The following TAFA2 variants were observed in gnomAD, a reference collection of about 807,000 sequenced individuals.
TAFA2 encodes chemokine-like protein TAFA-2.
TAFA2 carries 7 observed loss-of-function variants against 18.8 expected under a neutral mutation model. The observed-to-expected ratio is 0.37, with a 90% CI of 0.21 to 0.70. TAFA2 has a LOEUF of 0.70. Among genes scored for constraint, TAFA2 ranks in the 30% least tolerant of loss-of-function variants. The pLI, the probability that TAFA2 is intolerant of heterozygous loss-of-function variation, is 0.53. For missense variants in TAFA2, 122 were observed against 158.1 expected (o/e 0.77, Z 1.23); for synonymous variants, 60 against 54.2 (o/e 1.11, Z -0.47).
chr12:62,016,943 C>T (rs1880958105), intron 1 of TAFA2, among the ~76,000 whole-genome samples: 2 of 152,206 alleles, frequency 1.3e-5, no homozygotes, highest in African/African-American at 4.8e-5. Context: ...AGAGCGTGAG[C>T]TCTGCAGTGA....
At chr12:61,789,426 C>G (rs1411989070) in intron 2 of TAFA2, among the ~76,000 whole-genome samples, 1 of 151,798 alleles carries the variant, frequency 6.6e-6, no homozygotes, top group African/African-American at 2.4e-5. Context: ...TTGTTTTTGT[C>G]AAACTAACAC....
intron 1 of TAFA2, among the ~76,000 whole-genome samples, chr12:62,123,157 T>G (rs1050062724): frequency 2.6e-5 from 4 of 152,188 alleles, no homozygotes; most frequent in African/African-American, 4.8e-5. Flanking sequence ...CATTTAAGTT[T>G]ATCGAGGACA....
intron 1 of TAFA2, among the ~76,000 whole-genome samples, chr12:61,997,938 A>G (rs1439278646): frequency 6.6e-6 from 1 of 152,222 alleles, no homozygotes; most frequent in Non-Finnish European, 1.5e-5. Context: ...TTTACAAAGA[A>G]AAATGGAGAC....
At chr12:61,790,188 A>G (rs199532531) in intron 2 of TAFA2, among the ~76,000 whole-genome samples, 3 of 150,306 alleles carry the variant, frequency 2.0e-5, no homozygotes, top group African/African-American at 2.4e-5. Flanking sequence ...AAAAAAAAAA[A>G]TCCCCAAAAT....
chr12:61,829,699 T>G lies in TAFA2; in HGVS notation c.106+37621A>C, dbSNP rs181737133. Among the ~76,000 whole-genome samples, 6 of 151,704 alleles carry G rather than the reference T, an allele frequency of 4.0e-5. No homozygotes were observed. The East Asian group carries it at 1.2e-3, about 29-fold the overall frequency. On this transcript the variant is annotated intron_variant, in intron 2 of 4. Transcript: ENST00000416284. ...TCTTTATCTTTTGTGCCAAAAATAT[T>G]TATAAAATATAAATAGTAATTAAGT...
At chr12:61,947,860 C>G (rs1385782560) in intron 1 of TAFA2, among the ~76,000 whole-genome samples, 1 of 152,082 alleles carries the variant, frequency 6.6e-6, no homozygotes, top group Non-Finnish European at 1.5e-5. Context: ...AATCCTGAAA[C>G]AGTAAGCCTC....
chr12:62,232,772 A>C (rs777387480), intron 1 of TAFA2, among the ~76,000 whole-genome samples: 6 of 152,036 alleles, frequency 3.9e-5, no homozygotes, highest in Non-Finnish European at 7.4e-5. Context: ...TCAGCCTCCC[A>C]AAGTGCTGAG....
intron 1 of TAFA2, among the ~76,000 whole-genome samples, chr12:61,998,252 C>T (rs190502411): frequency 8.5e-5 from 13 of 152,228 alleles, no homozygotes; most frequent in African/African-American, 3.1e-4. Flanking sequence ...AGTGAAGCTA[C>T]AAAATTACAT....
chr12:62,021,072 C>T (rs898495083), intron 1 of TAFA2, among the ~76,000 whole-genome samples: 2 of 152,092 alleles, frequency 1.3e-5, no homozygotes, highest in Non-Finnish European at 2.9e-5. Context: ...AGAACACTTA[C>T]TAAAACAGAA....
At chr12:61,737,411 G>A (rs1361606335) in intron 4 of TAFA2, among the ~76,000 whole-genome samples, 4 of 151,716 alleles carry the variant, frequency 2.6e-5, no homozygotes, top group Non-Finnish European at 5.9e-5. Context: ...TACACATACT[G>A]AATGTTTATC....
intron 4 of TAFA2, among the ~76,000 whole-genome samples, chr12:61,726,378 T>A (rs1409094780): frequency 6.6e-6 from 1 of 152,020 alleles, no homozygotes; most frequent in Non-Finnish European, 1.5e-5. Context: ...ATGAGATGAG[T>A]TTCTATTTGT....
At chr12:62,012,889 G>A (rs2136716269) in intron 1 of TAFA2, among the ~76,000 whole-genome samples, 2 of 152,230 alleles carry the variant, frequency 1.3e-5, no homozygotes, top group South Asian at 4.1e-4. Context: ...AGAAAATCAT[G>A]GAAGCACACT....
rs540894773 is a variant in TAFA2 at position 62,040,308 on chromosome 12, G to A, written c.-2+150951C>T. On this transcript the variant is annotated intron_variant, in intron 1 of 4. Coordinates refer to ENST00000416284, the MANE Select transcript of TAFA2 (RefSeq NM_178539.5). ...AATACCAATTGTTATAGGTGGAATT[G>A]TGTCCCATCCCCCAAAAAAGAATAT... Among the ~76,000 whole-genome samples the A allele has an allele frequency of 5.3e-5, 8 of 152,172 alleles. No individual in the cohort carries two copies. In the South Asian group the frequency reaches 1.7e-3, roughly 32 times the overall value.
At chr12:62,142,674 G>C (rs970834405) in intron 1 of TAFA2, among the ~76,000 whole-genome samples, 4 of 152,068 alleles carry the variant, frequency 2.6e-5, no homozygotes, top group Non-Finnish European at 5.9e-5. Context: ...CTCAAGCAAA[G>C]TTTCCCATGG....
At chr12:61,862,994 A>T (rs181100995) in intron 2 of TAFA2, among the ~76,000 whole-genome samples, 3 of 152,276 alleles carry the variant, frequency 2.0e-5, no homozygotes, top group Non-Finnish European at 4.4e-5. Flanking sequence ...TACCTGCTAT[A>T]TTCTCAGGCC....
intron 1 of TAFA2, among the ~76,000 whole-genome samples, chr12:62,093,944 G>A (rs902335474): frequency 6.6e-6 from 1 of 152,062 alleles, no homozygotes; most frequent in East Asian, 1.9e-4. Context: ...AAGTCCCAAA[G>A]AGGAGGAGAT....
At chr12:62,197,550 C>G (rs2062654094), upstream of TAFA2, among the ~76,000 whole-genome samples, 1 of 152,172 alleles carries the variant, frequency 6.6e-6, no homozygotes. Context: ...TACCACCAGT[C>G]AAAATACCAA....
At chr12:62,021,159 A>G (rs1021993504) in intron 1 of TAFA2, among the ~76,000 whole-genome samples, 2 of 152,358 alleles carry the variant, frequency 1.3e-5, no homozygotes, top group South Asian at 4.1e-4. Flanking sequence ...AAACAGATCT[A>G]TACAATTCAG....
Position 62,245,368 on chromosome 12 carries a change from A to C in TAFA2, c.-130+13395T>G, listed in dbSNP as rs540648227. ...TTACTAATACCACAATATTTTACTT[A>C]ATAGATAATTGATATTTGTGTGATC... On this transcript the variant is annotated intron_variant, in intron 1 of 5. Coordinates refer to the TAFA2 transcript ENST00000551619. Among the ~76,000 whole-genome samples, 5 of 152,000 alleles carry C rather than the reference A, an allele frequency of 3.3e-5. 1 individual carries two copies. In the East Asian group the frequency reaches 9.6e-4, roughly 29 times the overall value.
Sources: allele counts gnomAD v4.1 joint callset (sites outside exome capture counted in the v4.1 genomes callset), GRCh38; gene constraint gnomAD v4.1.1; transcripts MANE v1.5; gene names NCBI Gene and HGNC (gene_info 2026-07-23, HGNC 2026-07-21).